Variants in MMP16 observed in about 807,000 individuals in gnomAD.
MMP16 encodes matrix metallopeptidase 16, also known as matrix metalloproteinase-16.
MMP16 carries 12 observed loss-of-function variants against 67.8 expected under a neutral mutation model. That is an observed-to-expected ratio of 0.18 (90% CI 0.11 to 0.29). The LOEUF (loss-of-function observed/expected upper bound fraction) is 0.29, where lower values mean the gene tolerates loss of function less well. MMP16 is among the 10% of genes least tolerant of loss of function. MMP16 has a pLI of 1.00. For missense variants in MMP16, 475 were observed against 765.7 expected, an observed-to-expected ratio of 0.62 and a Z score of 4.48; for synonymous variants, 249 against 255.9, an observed-to-expected ratio of 0.97 and a Z score of 0.26.
In MMP16 at chr8:88,198,010, G is replaced by T. The variant is rs369604816; in HGVS notation, c.133-704C>A. 6.6e-4 allele frequency among the ~76,000 whole-genome samples: 100 copies of T among 152,252 alleles called. 1 individual carries two copies. The South Asian group carries it at 0.02, about 30-fold the overall frequency. ...AGAGTGTTTAGACTTCTCTTTAAGG[G>T]TCTCATGATTTTTATCCCCCACCTT... is the stretch of plus-strand genomic sequence containing the variant. On this transcript the variant is annotated intron_variant, in intron 1 of 9. Coordinates refer to ENST00000286614, the MANE Select transcript of MMP16 (RefSeq NM_005941.5).
intron 1 of MMP16, among the ~76,000 whole-genome samples, chr8:88,314,317 C>A (rs1356157696): frequency 5.9e-5 from 9 of 152,246 alleles, no homozygotes; most frequent in African/African-American, 2.2e-4. Flanking sequence ...TTTTTATCTG[C>A]TAATTATAAC....
At chr8:88,097,622 T>A in intron 6 of MMP16, among the ~76,000 whole-genome samples, 2 of 77,494 alleles carry the variant, frequency 2.6e-5, no homozygotes, top group African/African-American at 5.7e-5. Flanking sequence ...CAAAACCCTG[T>A]CTCAAAAAAA....
intron 1 of MMP16, among the ~76,000 whole-genome samples, chr8:88,313,793 C>T (rs928518046): frequency 3.9e-5 from 6 of 152,048 alleles, no homozygotes; most frequent in South Asian, 2.1e-4. Context: ...CTCACATTCA[C>T]GGTGGAAGGC....
At chr8:88,236,580 A>T (rs1809943838) in intron 1 of MMP16, among the ~76,000 whole-genome samples, 1 of 151,728 alleles carries the variant, frequency 6.6e-6, no homozygotes, top group Non-Finnish European at 1.5e-5. Context: ...ACATGACAAA[A>T]CCTCGTCTCT....
intron 4 of MMP16, among the ~76,000 whole-genome samples, chr8:88,159,858 T>C (rs1007315455): frequency 6.6e-6 from 1 of 152,180 alleles, no homozygotes; most frequent in Non-Finnish European, 1.5e-5. Flanking sequence ...TTGAATTTTG[T>C]CAAAGGCCTT....
At position 88,186,602 on chromosome 8, in the gene MMP16, C is replaced by CAAAAAAA; in HGVS notation, c.282-11_282-5dup. 20 of 1,168,278 alleles carry CAAAAAAA rather than the reference C, an allele frequency of 1.7e-5. No homozygotes were observed. The highest frequency in any genetic ancestry group is 3.4e-4 in the Middle Eastern group (1 of 2,920). The allele number at this position is 1,168,278 out of a possible 1,614,324, so 72.4% of individuals were successfully genotyped here. On this transcript the variant is annotated splice_region_variant and splice_polypyrimidine_tract_variant and intron_variant, in intron 2 of 9. Transcript: ENST00000286614. ...GCATCGGGGCTTCTTCATCCAGCTG[C>CAAAAAAA]AAAAAAAAAAAAAAAAAAAAAAAAG... is the stretch of plus-strand genomic sequence containing the variant.
chr8:88,324,950 A>G (rs1811514971), intron 1 of MMP16, among the ~76,000 whole-genome samples: 1 of 152,188 alleles, frequency 6.6e-6, no homozygotes, highest in Non-Finnish European at 1.5e-5. Context: ...CTATTTGAGG[A>G]TAACATAAAC....
At chr8:88,155,359 A>AT (rs1225524252) in intron 4 of MMP16, among the ~76,000 whole-genome samples, 1 of 151,972 alleles carries the variant, frequency 6.6e-6, no homozygotes, top group African/African-American at 2.4e-5. Context: ...CAACAGTTTT[A>AT]TTTTTTAGTC....
At chr8:88,279,049 C>A (rs1001300299) in intron 1 of MMP16, among the ~76,000 whole-genome samples, 2 of 151,898 alleles carry the variant, frequency 1.3e-5, no homozygotes, top group African/African-American at 4.8e-5. Flanking sequence ...TGATGAAACC[C>A]CATCTCTACT....
At position 88,033,166 on chromosome 8, in the gene MMP16, T is replaced by A. The variant is rs988386861; in HGVS notation, c.*8295A>T. The A allele has an allele frequency of 6.6e-6, 1 of 151,990 alleles. No homozygotes were observed. Among genetic ancestry groups the A allele is most frequent in the Non-Finnish European group, 1.5e-5 (1 of 67,930 alleles). The allele number at this position is 151,990 out of a possible 1,614,324, so 9.4% of individuals were successfully genotyped here. On this transcript the variant is annotated 3_prime_UTR_variant, in exon 10 of 10. Transcript: ENST00000286614. ...GTGTATTGTTTACCCAAGAGACAAC[T>A]TCCCTTTGCAATTACTTGAATCTCA... is the stretch of plus-strand genomic sequence containing the variant.
At chr8:88,268,646 C>T (rs966580457) in intron 1 of MMP16, among the ~76,000 whole-genome samples, 1 of 152,076 alleles carries the variant, frequency 6.6e-6, no homozygotes, top group Non-Finnish European at 1.5e-5. Flanking sequence ...CAATATCACC[C>T]CAGAAGTCAA....
At chr8:88,312,834 G>T (rs928659960) in intron 1 of MMP16, among the ~76,000 whole-genome samples, 2 of 152,092 alleles carry the variant, frequency 1.3e-5, no homozygotes, top group African/African-American at 4.8e-5. Flanking sequence ...TGGGTGTGGT[G>T]GTGCATGCCT....
Position 88,085,315 on chromosome 8 carries a change from T to C in MMP16, c.1084-10572A>G, listed in dbSNP as rs532900282. Among the ~76,000 whole-genome samples, 10 of 152,208 alleles carry C rather than the reference T, an allele frequency of 6.6e-5. No homozygotes were observed. The South Asian group carries it at 2.1e-3, about 32-fold the overall frequency. On this transcript the variant is annotated intron_variant, in intron 6 of 9. Coordinates refer to ENST00000286614, the MANE Select transcript of MMP16 (RefSeq NM_005941.5). Reference sequence around the variant, plus strand: ...TAATGCCATTCTGGGAAGTTTTCAATATTTTATAACAAGAGCTGACACAAG... The same window carrying C: ...TAATGCCATTCTGGGAAGTTTTCAACATTTTATAACAAGAGCTGACACAAG...
At chr8:88,320,963 C>A (rs1811451278) in intron 1 of MMP16, among the ~76,000 whole-genome samples, 1 of 152,006 alleles carries the variant, frequency 6.6e-6, no homozygotes, top group African/African-American at 2.4e-5. Context: ...CAGGAAACAA[C>A]AATCAAATAT....
chr8:88,067,004 G>A (rs946755510), intron 7 of MMP16, among the ~76,000 whole-genome samples: 1 of 151,932 alleles, frequency 6.6e-6, no homozygotes, highest in African/African-American at 2.4e-5. Flanking sequence ...ACTTAGTAGA[G>A]AATACTTTAT....
intron 1 of MMP16, among the ~76,000 whole-genome samples, chr8:88,254,005 G>A (rs376959383): frequency 9.9e-5 from 15 of 152,060 alleles, no homozygotes; most frequent in African/African-American, 3.1e-4. Flanking sequence ...AAAGACACAC[G>A]TATATGTATG....
intron 7 of MMP16, chr8:88,069,489 C>T (rs754691561): frequency 1.9e-6 from 1 of 525,164 alleles, no homozygotes; most frequent in Admixed American, 2.0e-5. Context: ...GTAGAGCCAA[C>T]CATCTTGGAT....
At chr8:88,250,413 A>G (rs966574244) in intron 1 of MMP16, among the ~76,000 whole-genome samples, 2 of 152,084 alleles carry the variant, frequency 1.3e-5, no homozygotes, top group Non-Finnish European at 2.9e-5. Flanking sequence ...AAATTAAATA[A>G]AGGCCTGAAA....
intron 1 of MMP16, among the ~76,000 whole-genome samples, chr8:88,201,136 TC>T (rs869181294): frequency 1.3e-5 from 1 of 78,322 alleles, no homozygotes; most frequent in Non-Finnish European, 2.5e-5. Flanking sequence ...AGACATCCTT[TC>T]CCCCCCCAAA....
Sources: allele counts gnomAD v4.1 joint callset (sites outside exome capture counted in the v4.1 genomes callset), GRCh38; gene constraint gnomAD v4.1.1; transcripts MANE v1.5; gene names NCBI Gene and HGNC (gene_info 2026-07-23, HGNC 2026-07-21).